The following COL21A1 variants were observed in gnomAD, a reference collection of about 807,000 sequenced individuals.
COL21A1 encodes the protein collagen type XXI alpha 1 chain.
In COL21A1, 149 loss-of-function variants were observed where a neutral mutation model predicts 137.9. The ratio of observed to expected loss-of-function variants is 1.08; its 90% CI spans 0.95 to 1.24. COL21A1 has a LOEUF of 1.24. Among genes scored for constraint, COL21A1 ranks in the 50% most tolerant of loss-of-function variants. The pLI is 0.00. For missense variants in COL21A1, 1,167 were observed against 1,158.4 expected (o/e 1.01, Z -0.11); for synonymous variants, 456 against 391.5 (o/e 1.16, Z -1.95).
chr6:56,288,776 A>G (rs983829572), intron 1 of COL21A1, among the ~76,000 whole-genome samples: 2 of 152,208 alleles, frequency 1.3e-5, no homozygotes, highest in Non-Finnish European at 2.9e-5. Context: ...ATGCACAGGA[A>G]TAGACAATAC....
Position 56,238,429 on chromosome 6 carries a change from T to C in COL21A1, c.-39+8958A>G, listed in dbSNP as rs956536342. On this transcript the variant is annotated intron_variant, in intron 1 of 29. Coordinates refer to ENST00000244728, the MANE Select transcript of COL21A1 (RefSeq NM_030820.4). ...GATGCTGAAACTCGGGGCAGTCTTC[T>C]TAAAAAAAAAAAAAAAAAAAAAGCC... Among the ~76,000 whole-genome samples the C allele has an allele frequency of 2.7e-4, 35 of 129,050 alleles. No individual in the cohort carries two copies. In the South Asian group the frequency reaches 7.2e-3, roughly 26 times the overall value. The allele number at this position is 129,050 out of a possible 152,430, so 84.7% of individuals were successfully genotyped here.
At chr6:56,373,874 C>A (rs937778304) in intron 1 of COL21A1, among the ~76,000 whole-genome samples, 2 of 152,110 alleles carry the variant, frequency 1.3e-5, no homozygotes, top group Non-Finnish European at 2.9e-5. Flanking sequence ...ATTGTATATC[C>A]TTTGACCAAC....
intron 17 of COL21A1, among the ~76,000 whole-genome samples, chr6:56,099,254 G>C (rs1459988399): frequency 1.8e-5 from 2 of 112,146 alleles, no homozygotes; most frequent in East Asian, 5.5e-4. Context: ...TTTTTTTTTA[G>C]AGGGAGTTTA....
rs1388541796 is a variant in COL21A1 at position 56,057,260 on chromosome 6, G to A, written c.*397C>T. The stretch of plus-strand genomic sequence containing the variant: ...CATGTTTTGGCTTATGTAGTAGCAT[G>A]AGCTATGAGATAGGAAACATGAAAG... On this transcript the variant is annotated 3_prime_UTR_variant, in exon 30 of 30. Coordinates refer to ENST00000244728, the MANE Select transcript of COL21A1 (RefSeq NM_030820.4). 1 of 275,218 alleles carries A rather than the reference G, an allele frequency of 3.6e-6. No homozygotes were observed. Among genetic ancestry groups the A allele is most frequent in the Non-Finnish European group, 6.9e-6 (1 of 145,230 alleles). 17.0% of individuals were successfully genotyped at this position (275,218 alleles called of 1,614,324 possible). A position where few individuals can be genotyped will look rare whatever the true frequency, so the allele number is the denominator to read the frequency against.
chr6:56,173,711 G>A (rs1158227980), intron 3 of COL21A1, among the ~76,000 whole-genome samples: 1 of 151,952 alleles, frequency 6.6e-6, no homozygotes, highest in Non-Finnish European at 1.5e-5. Flanking sequence ...ATACGAGGCA[G>A]ACATATACAG....
At chr6:56,062,089 G>A (rs1309903269) in intron 24 of COL21A1, among the ~76,000 whole-genome samples, 2 of 152,028 alleles carry the variant, frequency 1.3e-5, no homozygotes, top group Non-Finnish European at 2.9e-5. Flanking sequence ...CCAAGTTTAT[G>A]TTCTTAAAAT....
At chr6:56,235,268 G>C (rs1562011815) in intron 1 of COL21A1, among the ~76,000 whole-genome samples, 1 of 151,884 alleles carries the variant, frequency 6.6e-6, no homozygotes, top group Non-Finnish European at 1.5e-5. Flanking sequence ...CCACAAGCCT[G>C]AAGTTTAAAA....
At position 56,091,156 on chromosome 6, in the gene COL21A1, C is replaced by T. The variant is rs149683964; in HGVS notation, c.1812+10316G>A. On this transcript the variant is annotated intron_variant, in intron 17 of 29. Transcript: ENST00000244728. ...CACAGCAATTCATCATTAATGTTCC[C>T]CAATAATTTTATGCATGTCTTCTGC... Among the ~76,000 whole-genome samples the T allele has an allele frequency of 2.8e-4, 43 of 152,226 alleles. 2 individuals carry two copies. In the East Asian group the frequency reaches 7.5e-3, roughly 27 times the overall value.
chr6:56,219,927 C>A (rs1250994351), intron 1 of COL21A1, among the ~76,000 whole-genome samples: 1 of 152,132 alleles, frequency 6.6e-6, no homozygotes, highest in African/African-American at 2.4e-5. Context: ...AATCACAATT[C>A]TTCCAATCAA....
chr6:56,174,941 C>T (rs560265608), intron 3 of COL21A1, among the ~76,000 whole-genome samples: 5 of 152,060 alleles, frequency 3.3e-5, no homozygotes, highest in African/African-American at 9.6e-5. Flanking sequence ...AACAGCACAT[C>T]GAAAACATCA....
chr6:56,095,171 C>G, intron 17 of COL21A1, among the ~76,000 whole-genome samples: 1 of 152,246 alleles, frequency 6.6e-6, no homozygotes, highest in South Asian at 2.1e-4. Context: ...TAGACCTTCT[C>G]TTTAAATGCC....
chr6:56,384,969 G>A (rs1321860801), intron 1 of COL21A1, among the ~76,000 whole-genome samples: 1 of 152,210 alleles, frequency 6.6e-6, no homozygotes, highest in Non-Finnish European at 1.5e-5. Flanking sequence ...CTTCCGAGAT[G>A]CTATGGAGCA....
intron 1 of COL21A1, among the ~76,000 whole-genome samples, chr6:56,260,639 G>GA (rs1562028799): frequency 2.4e-4 from 12 of 49,406 alleles, no homozygotes; most frequent in African/African-American, 6.9e-4. Flanking sequence ...AAGGAAGGAA[G>GA]GAAGGAAGGA....
chr6:56,224,888 C>T (rs916738706), intron 1 of COL21A1, among the ~76,000 whole-genome samples: 1 of 152,048 alleles, frequency 6.6e-6, no homozygotes, highest in Non-Finnish European at 1.5e-5. Flanking sequence ...ATCACACCAA[C>T]CTCTTTTCCC....
intron 1 of COL21A1, among the ~76,000 whole-genome samples, chr6:56,242,825 A>G (rs1782414456): frequency 6.6e-6 from 1 of 152,186 alleles, no homozygotes; most frequent in Admixed American, 6.5e-5. Flanking sequence ...TTAAAGAAAT[A>G]TTTTAAGTAA....
intron 1 of COL21A1, among the ~76,000 whole-genome samples, chr6:56,186,363 T>C (rs1019888256): frequency 6.6e-6 from 1 of 152,200 alleles, no homozygotes; most frequent in African/African-American, 2.4e-5. Context: ...TGAATGTGAA[T>C]GCTGTCTATA....
At chr6:56,331,164 G>T (rs1476185994) in intron 1 of COL21A1, among the ~76,000 whole-genome samples, 1 of 151,430 alleles carries the variant, frequency 6.6e-6, no homozygotes, top group Non-Finnish European at 1.5e-5. Flanking sequence ...TTTCTTGTTG[G>T]ATTGTTTGAG....
chr6:56,325,662 TAA>T (rs796711913), intron 1 of COL21A1, among the ~76,000 whole-genome samples: 2,440 of 2,764 alleles, frequency 0.88, 1,186 homozygotes, highest in Middle Eastern at 1. Flanking sequence ...TATTATATAT[TAA>T]ATATATTATA....
At position 56,377,637 on chromosome 6, in the gene COL21A1, G is replaced by A. The variant is rs1255599926; in HGVS notation, c.-39+16334C>T. Among the ~76,000 whole-genome samples, 7 of 152,236 alleles carry A rather than the reference G, an allele frequency of 4.6e-5. No homozygotes were observed. In the South Asian group the frequency reaches 1.0e-3, roughly 23 times the overall value. On this transcript the variant is annotated intron_variant, in intron 1 of 28. Coordinates refer to the COL21A1 transcript ENST00000370819. The stretch of plus-strand genomic sequence containing the variant: ...GCACTCTGGGGGTCTAAATAAACTT[G>A]AAAGGCAGTCCAGGCTGAAACTCCT...
Sources: gnomAD v4.1 joint callset for allele counts (sites outside exome capture counted in the v4.1 genomes callset) on GRCh38, gnomAD v4.1.1 for gene constraint, MANE v1.5 for transcripts, NCBI Gene and HGNC (gene_info 2026-07-23, HGNC 2026-07-21) for gene names.